Variants in ZZEF1 observed in about 807,000 individuals in gnomAD.
The protein encoded by ZZEF1 is zinc finger ZZ-type and EF-hand domain containing 1.
Under a neutral mutation model 342.8 loss-of-function variants are expected in ZZEF1, and 157 were observed. The ratio of observed to expected loss-of-function variants is 0.46; its 90% CI spans 0.40 to 0.52. The LOEUF (loss-of-function observed/expected upper bound fraction) is 0.52, where lower values mean the gene tolerates loss of function less well. ZZEF1 is among the 20% of genes least tolerant of loss of function. The pLI is 0.00. For missense variants in ZZEF1, 3,480 were observed against 3,725.6 expected, an observed-to-expected ratio of 0.93 and a Z score of 1.72; for synonymous variants, 1,505 against 1,429.1, an observed-to-expected ratio of 1.05 and a Z score of -1.20.
intron 6 of ZZEF1, among the ~76,000 whole-genome samples, chr17:4,108,631 T>C (rs1264104571): frequency 2.0e-5 from 3 of 152,160 alleles, no homozygotes; most frequent in Non-Finnish European, 4.4e-5. Flanking sequence ...TGGTTGTCAG[T>C]AAATGTTCTT....
chr17:4,013,372 T>C, intron 52 of ZZEF1, 77 bp downstream of exon 52: 1 of 1,379,446 alleles, frequency 7.2e-7, no homozygotes, highest in South Asian at 1.6e-5. Flanking sequence ...AAGTCACCAC[T>C]AACAGCAAGA....
At chr17:4,100,276 G>T (rs537217207) in intron 9 of ZZEF1, among the ~76,000 whole-genome samples, 8 of 152,222 alleles carry the variant, frequency 5.3e-5, no homozygotes, top group Non-Finnish European at 1.0e-4. Context: ...AGTGCAGCAA[G>T]AGAGACCGAC....
At chr17:4,138,261 A>C (rs1271795448) in intron 1 of ZZEF1, among the ~76,000 whole-genome samples, 2 of 152,226 alleles carry the variant, frequency 1.3e-5, no homozygotes, top group Admixed American at 1.3e-4. Context: ...AAAAGGGCAG[A>C]TAATCACATC....
chr17:4,108,839 G>C (rs191355954), intron 6 of ZZEF1, among the ~76,000 whole-genome samples: 2 of 152,320 alleles, frequency 1.3e-5, no homozygotes, highest in Non-Finnish European at 2.9e-5. Flanking sequence ...TTAACCTTCA[G>C]AGCAGCAGTG....
rs1597757919 is a variant in ZZEF1 at position 4,016,521 on chromosome 17, G to A, written c.8002-55C>T. On this transcript the variant is annotated intron_variant, in intron 48 of 54. Coordinates refer to ENST00000381638, the MANE Select transcript of ZZEF1 (RefSeq NM_015113.4). The surrounding 1 kb of genome is among the most constrained non-coding windows in gnomAD (Gnocchi z 4.4). ...GCCTGCAAGTGGCATCAGGAAGAAG[G>A]GACAGTTTACTTCAACCCAAGCTCC... 4.5e-6 allele frequency: 7 copies of A among 1,557,616 alleles called. No homozygotes were observed. The East Asian group carries it at 1.6e-4, about 35-fold the overall frequency.
chr17:4,023,515 C>T (rs761234541), intron 43 of ZZEF1, among the ~76,000 whole-genome samples: 3 of 152,014 alleles, frequency 2.0e-5, no homozygotes, highest in African/African-American at 7.3e-5. Context: ...TTGTGATAAA[C>T]GTCATGAACT....
intron 19 of ZZEF1, among the ~76,000 whole-genome samples, chr17:4,077,570 C>G (rs902535543): frequency 6.6e-6 from 1 of 152,170 alleles, no homozygotes; most frequent in African/African-American, 2.4e-5. Flanking sequence ...TTGATTAAAA[C>G]AGGGATAGAC....
chr17:4,013,796 G>A (rs559018458), intron 51 of ZZEF1, among the ~76,000 whole-genome samples, 182 bp from the exon 52 acceptor site: 3 of 152,184 alleles, frequency 2.0e-5, no homozygotes, highest in Non-Finnish European at 4.4e-5. Flanking sequence ...AATAACACAG[G>A]GGTCATATTT....
chr17:4,026,881 T>C (rs1345809992), intron 42 of ZZEF1, among the ~76,000 whole-genome samples: 2 of 152,076 alleles, frequency 1.3e-5, no homozygotes, highest in African/African-American at 4.8e-5. Flanking sequence ...TTAGAATTTT[T>C]TACCTGGCAA....
chr17:4,074,395 G>C (rs1040254523), intron 23 of ZZEF1, 44 bp from the exon 24 acceptor site: 5 of 1,591,940 alleles, frequency 3.1e-6, no homozygotes, highest in South Asian at 1.1e-5. Context: ...ATTAGAGGAG[G>C]AGTGCTTCAG....
Position 4,016,570 on chromosome 17 carries a change from T to C in ZZEF1, c.8002-104A>G, listed in dbSNP as rs750118069. On this transcript the variant is annotated intron_variant, in intron 48 of 54. Coordinates refer to ENST00000381638, the MANE Select transcript of ZZEF1 (RefSeq NM_015113.4). The surrounding 1 kb of genome is among the most constrained non-coding windows in gnomAD (Gnocchi z 4.4). ...CCACCCAAAGGTGCTGGCATCATCTTAGACCTAGGACGAGCCTCTGTGACT... is the reference window on the plus strand; with the variant it reads ...CCACCCAAAGGTGCTGGCATCATCTCAGACCTAGGACGAGCCTCTGTGACT... The C allele has an allele frequency of 2.0e-5, 28 of 1,402,722 alleles. No homozygotes were observed. The highest frequency in any genetic ancestry group is 2.9e-5 in the South Asian group (2 of 69,682). The allele number at this position is 1,402,722 out of a possible 1,614,324, so 86.9% of individuals were successfully genotyped here.
intron 13 of ZZEF1, 121 bp from the exon 14 acceptor site, chr17:4,087,655 A>G (rs752560264): frequency 1.5e-5 from 12 of 811,450 alleles, no homozygotes; most frequent in Admixed American, 3.2e-5. Flanking sequence ...TGAGACTTTC[A>G]TATTACTGAT....
chr17:4,044,123 C>T (rs758116093), intron 38 of ZZEF1, 101 bp downstream of exon 38: 109 of 1,320,730 alleles, frequency 8.3e-5, no homozygotes, highest in Non-Finnish European at 1.1e-4. Context: ...GCACCCCTGG[C>T]GTCTAGCCAA....
At chr17:4,075,621 G>A (rs1456673540) in intron 21 of ZZEF1, among the ~76,000 whole-genome samples, 192 bp from the exon 22 acceptor site, 1 of 152,146 alleles carries the variant, frequency 6.6e-6, no homozygotes, top group African/African-American at 2.4e-5. Flanking sequence ...CCACGCAGCC[G>A]AGGAGATGTG....
chr17:4,049,805 T>A lies in ZZEF1; in HGVS notation c.5918A>T (p.Glu1973Val). 2 of 1,614,204 alleles carry A rather than the reference T, an allele frequency of 1.2e-6. No homozygotes were observed. The highest frequency in any genetic ancestry group is 1.7e-6 in the Non-Finnish European group (2 of 1,180,024). ...CACAGTGACTGGTAGGGCCTGATCT[T>A]CTAGGCTCGAGTCCCCATCTGGCAA... Reference protein sequence around the residue: ...GVLPDGDSSLEDQALPVTVPT... With the variant: ...GVLPDGDSSLVDQALPVTVPT... The change falls in exon 37 of 55, where the codon GAA becomes GTA. Residue 1973 changes from glutamate to valine, a missense_variant. Coordinates refer to ENST00000381638, the MANE Select transcript of ZZEF1 (RefSeq NM_015113.4).
intron 3 of ZZEF1, among the ~76,000 whole-genome samples, chr17:4,114,792 T>C (rs1166564628): frequency 1.3e-5 from 2 of 152,216 alleles, no homozygotes; most frequent in African/African-American, 4.8e-5. Context: ...ATCACTGATA[T>C]ATTTGCAAAA....
chr17:4,066,612 T>C, intron 27 of ZZEF1, 72 bp from the exon 28 acceptor site: 1 of 1,310,326 alleles, frequency 7.6e-7, no homozygotes, highest in Non-Finnish European at 1.1e-6. Flanking sequence ...GCAAACTACT[T>C]CAAAAGCACA....
At chr17:4,072,541 A>G in intron 25 of ZZEF1, 67 bp downstream of exon 25, 1 of 1,506,012 alleles carries the variant, frequency 6.6e-7, no homozygotes. Context: ...AGTGTTTATA[A>G]CTTAAAGTAA....
Position 4,112,621 on chromosome 17 carries a change from C to G in ZZEF1, c.1054G>C (p.Val352Leu). 1.2e-6 allele frequency: 2 copies of G among 1,614,150 alleles called. No individual in the cohort carries two copies. The highest frequency in any genetic ancestry group is 1.7e-6 in the Non-Finnish European group (2 of 1,180,034). The change falls in exon 5 of 55, where the codon GTC (valine) becomes CTC (leucine). Residue 352 changes from valine to leucine, a missense_variant. This residue lies in a region of ZZEF1 where 92 missense variants were observed against 130.3 expected (regional missense o/e 0.71). Coordinates refer to ENST00000381638, the MANE Select transcript of ZZEF1 (RefSeq NM_015113.4). ...GYVTLLENANVSQLYVQINIK... is the reference protein window; with the variant it reads ...GYVTLLENANLSQLYVQINIK... ...CTGTTGGACTTACAGAGCTGACTGA[C>G]GTTGGCATTTTCCAGCAGCGTCACA...
Sources: allele counts gnomAD v4.1 joint callset (sites outside exome capture counted in the v4.1 genomes callset), GRCh38; gene constraint gnomAD v4.1.1; regional missense constraint gnomAD v4.1.1; non-coding constraint Gnocchi (gnomAD v3.1); transcripts MANE v1.5; gene names NCBI Gene and HGNC (gene_info 2026-07-23, HGNC 2026-07-21).